The following NELL2 variants were observed in gnomAD, a reference collection of about 807,000 sequenced individuals.
NELL2 encodes neural EGFL like 2.
Under a neutral mutation model 109.6 loss-of-function variants are expected in NELL2, and 41 were observed. The observed-to-expected ratio is 0.37, with a 90% confidence interval of 0.29 to 0.49. NELL2 has a LOEUF of 0.49. NELL2 is among the 20% of genes least tolerant of loss of function. NELL2 has a pLI of 0.98. For missense variants in NELL2, 900 were observed against 1,008.3 expected (o/e 0.89, Z 1.45); for synonymous variants, 355 against 344.7 (o/e 1.03, Z -0.33).
chr12:44,894,657 T>C (rs1381045620), intron 1 of NELL2, among the ~76,000 whole-genome samples: 1 of 152,238 alleles, frequency 6.6e-6, no homozygotes, highest in Non-Finnish European at 1.5e-5. Flanking sequence ...AGATGTGCAA[T>C]GTCAACATCA....
intron 15 of NELL2, among the ~76,000 whole-genome samples, chr12:44,605,435 T>C (rs1452079389): frequency 1.3e-5 from 2 of 152,298 alleles, no homozygotes; most frequent in East Asian, 3.9e-4. Context: ...AGCCCTTGGC[T>C]GCCACAGACA....
At chr12:44,781,034 C>T (rs1252768840) in intron 3 of NELL2, among the ~76,000 whole-genome samples, 1 of 151,832 alleles carries the variant, frequency 6.6e-6, no homozygotes, top group African/African-American at 2.4e-5. Context: ...AAGAAATCTC[C>T]AACAGATTGT....
intron 9 of NELL2, among the ~76,000 whole-genome samples, chr12:44,747,647 C>A (rs151172169): frequency 1.3e-5 from 2 of 152,076 alleles, no homozygotes; most frequent in South Asian, 2.1e-4. Flanking sequence ...CACTGTTTAA[C>A]GGTCAACTGT....
intron 15 of NELL2, among the ~76,000 whole-genome samples, chr12:44,554,236 T>C (rs1246551246): frequency 6.6e-6 from 1 of 152,188 alleles, no homozygotes. Flanking sequence ...GACCCACAAA[T>C]GGAGCCATAG....
At chr12:44,745,449 A>G (rs981357296) in intron 9 of NELL2, among the ~76,000 whole-genome samples, 2 of 152,176 alleles carry the variant, frequency 1.3e-5, no homozygotes, top group Non-Finnish European at 2.9e-5. Flanking sequence ...GGTTCTGGCC[A>G]GGGCAGTCAG....
In NELL2 at chr12:44,803,757, A is replaced by G. The variant is rs567751634; in HGVS notation, c.335+12229T>C. Among the ~76,000 whole-genome samples the G allele has an allele frequency of 6.6e-5, 10 of 152,116 alleles. No homozygotes were observed. The South Asian group carries it at 2.1e-3, about 31-fold the overall frequency. On this transcript the variant is annotated intron_variant, in intron 3 of 19. Transcript: ENST00000429094. ...AAGAGTCTCATTTAAATGAAAAATA[A>G]TATTTAGAAACTATTCATCAATTCA...
chr12:44,702,634 T>G (rs1323436806), intron 12 of NELL2, among the ~76,000 whole-genome samples: 1 of 152,152 alleles, frequency 6.6e-6, no homozygotes, highest in East Asian at 1.9e-4. Context: ...TCCATTTTTA[T>G]GAAAAATCTT....
At chr12:44,909,772 T>C (rs1050328863) in intron 1 of NELL2, among the ~76,000 whole-genome samples, 109 of 143,118 alleles carry the variant, frequency 7.6e-4, no homozygotes, top group African/African-American at 2.7e-3. Flanking sequence ...CACACACATA[T>C]ATATACACAC....
chr12:44,692,862 T>A (rs1417217330), intron 12 of NELL2, among the ~76,000 whole-genome samples: 2 of 152,188 alleles, frequency 1.3e-5, no homozygotes, highest in Admixed American at 1.3e-4. Flanking sequence ...TTGTTTCTTA[T>A]GAATAAGCAA....
At chr12:44,814,382 T>C (rs1172708619) in intron 3 of NELL2, among the ~76,000 whole-genome samples, 2 of 152,238 alleles carry the variant, frequency 1.3e-5, no homozygotes, top group Non-Finnish European at 2.9e-5. Context: ...CAGGTTGTTC[T>C]GCAAATGAAC....
At chr12:44,651,356 A>G (rs1285428672) in intron 13 of NELL2, among the ~76,000 whole-genome samples, 1 of 152,204 alleles carries the variant, frequency 6.6e-6, no homozygotes, top group Non-Finnish European at 1.5e-5. Flanking sequence ...TTTCACTTCC[A>G]TGGATATTTT....
chr12:44,586,819 C>T (rs988973128), intron 15 of NELL2, among the ~76,000 whole-genome samples: 10 of 152,132 alleles, frequency 6.6e-5, no homozygotes, highest in South Asian at 6.2e-4. Flanking sequence ...ACAAGGGCAA[C>T]GATGTTGCCC....
intron 2 of NELL2, among the ~76,000 whole-genome samples, chr12:44,868,167 T>G (rs1414989511): frequency 7.3e-6 from 1 of 136,590 alleles, no homozygotes; most frequent in Non-Finnish European, 1.6e-5. Flanking sequence ...AAAGAAATCA[T>G]GAAAACAATC....
chr12:44,685,414 ATTTAAAGT>A (rs1420179884), intron 12 of NELL2, among the ~76,000 whole-genome samples: 2 of 151,938 alleles, frequency 1.3e-5, no homozygotes, highest in Non-Finnish European at 2.9e-5. Flanking sequence ...GTCCATTGAC[ATTTAAAGT>A]TAATATTGTT....
chr12:44,509,735 C>T (rs1940900478), intron 19 of NELL2, among the ~76,000 whole-genome samples: 2 of 152,128 alleles, frequency 1.3e-5, no homozygotes, highest in African/African-American at 4.8e-5. Flanking sequence ...TTAAGCCACC[C>T]AGTCTATGGT....
At chr12:44,668,776 C>A (rs549251827) in intron 12 of NELL2, among the ~76,000 whole-genome samples, 1 of 152,120 alleles carries the variant, frequency 6.6e-6, no homozygotes, top group African/African-American at 2.4e-5. Flanking sequence ...CTGCCACCAC[C>A]GTTAGTACCT....
chr12:44,519,432 A>G (rs1415630395), intron 19 of NELL2, among the ~76,000 whole-genome samples: 1 of 152,222 alleles, frequency 6.6e-6, no homozygotes, highest in Non-Finnish European at 1.5e-5. Flanking sequence ...TCCAATGAGA[A>G]TAAGGAGAAA....
At chr12:44,906,723 A>C (rs1322882935) in intron 1 of NELL2, among the ~76,000 whole-genome samples, 1 of 152,144 alleles carries the variant, frequency 6.6e-6, no homozygotes, top group Non-Finnish European at 1.5e-5. Flanking sequence ...GAAAGGAAGC[A>C]GTAATCAGAA....
intron 14 of NELL2, among the ~76,000 whole-genome samples, chr12:44,608,690 T>C (rs1258889153): frequency 1.3e-5 from 2 of 151,706 alleles, no homozygotes; most frequent in Admixed American, 6.6e-5. Flanking sequence ...TACATAGGAA[T>C]TTGTATCAAG....
Sources: allele counts gnomAD v4.1 joint callset (sites outside exome capture counted in the v4.1 genomes callset), GRCh38; gene constraint gnomAD v4.1.1; transcripts MANE v1.5; gene names NCBI Gene and HGNC (gene_info 2026-07-23, HGNC 2026-07-21).